GALNT13: variants seen among roughly 807,000 people sequenced by gnomAD.
GALNT13 encodes the protein UDP-GalNAc:polypeptide N-acetylgalactosaminyltransferase 13.
A neutral mutation model predicts 64.2 loss-of-function variants in GALNT13; 28 were observed. The ratio of observed to expected loss-of-function variants is 0.44; its 90% CI spans 0.32 to 0.60. The LOEUF is 0.60. Among genes scored for constraint, GALNT13 ranks in the 20% least tolerant of loss-of-function variants. The pLI is 0.05. For missense variants in GALNT13, 577 were observed against 669.8 expected, an observed-to-expected ratio of 0.86 and a Z score of 1.53; for synonymous variants, 214 against 224.6, an observed-to-expected ratio of 0.95 and a Z score of 0.42.
intron 3 of GALNT13, among the ~76,000 whole-genome samples, chr2:154,096,237 C>T (rs1416327597): frequency 6.6e-6 from 1 of 152,010 alleles, no homozygotes; most frequent in African/African-American, 2.4e-5. Context: ...CCATCACCAA[C>T]TCCATTACTG....
chr2:153,711,279 T>C, the GALNT13 span, among the ~76,000 whole-genome samples: 1 of 152,164 alleles, frequency 6.6e-6, no homozygotes, highest in African/African-American at 2.4e-5. Flanking sequence ...GGGCTTACAT[T>C]AGTGGAAACA....
chr2:154,106,136 T>A (rs946871072), intron 3 of GALNT13, among the ~76,000 whole-genome samples: 3 of 152,142 alleles, frequency 2.0e-5, no homozygotes, highest in Admixed American at 2.0e-4. Context: ...CAGTGGCTTG[T>A]CTTTTTATTC....
the GALNT13 span, among the ~76,000 whole-genome samples, chr2:153,200,205 A>G: frequency 6.6e-6 from 1 of 152,242 alleles, no homozygotes; most frequent in Non-Finnish European, 1.5e-5. Context: ...CAGGAAGGAC[A>G]TACTGAAGAC....
At chr2:153,483,083 C>A in the GALNT13 span, among the ~76,000 whole-genome samples, 2 of 152,050 alleles carry the variant, frequency 1.3e-5, no homozygotes, top group African/African-American at 4.8e-5. Flanking sequence ...GTAAAAAATG[C>A]TAAGGATGTG....
At chr2:153,607,048 T>C in the GALNT13 span, among the ~76,000 whole-genome samples, 1 of 152,050 alleles carries the variant, frequency 6.6e-6, no homozygotes, top group Non-Finnish European at 1.5e-5. Flanking sequence ...CCCCTCAGCC[T>C]GATCCCACAG....
intron 7 of GALNT13, among the ~76,000 whole-genome samples, chr2:154,252,735 A>G (rs889818925): frequency 1.1e-5 from 1 of 93,362 alleles, no homozygotes; most frequent in African/African-American, 3.4e-5. Flanking sequence ...AGATAGATAG[A>G]TAGATAGATA....
the GALNT13 span, among the ~76,000 whole-genome samples, chr2:153,274,459 A>C: frequency 6.6e-6 from 1 of 152,196 alleles, no homozygotes; most frequent in Admixed American, 6.5e-5. Context: ...ACTACAAAGG[A>C]GAAGGAGATA....
the GALNT13 span, among the ~76,000 whole-genome samples, chr2:153,249,565 C>A: frequency 3.3e-5 from 5 of 152,088 alleles, no homozygotes; most frequent in African/African-American, 1.2e-4. Flanking sequence ...GCCCATATAA[C>A]CAAGACAATG....
chr2:154,074,760 C>G (rs991631285), intron 3 of GALNT13, among the ~76,000 whole-genome samples: 1 of 151,912 alleles, frequency 6.6e-6, no homozygotes, highest in Non-Finnish European at 1.5e-5. Context: ...GGCTTTATCC[C>G]TAGGATGTAA....
intron 1 of GALNT13, among the ~76,000 whole-genome samples, chr2:153,889,975 G>T (rs1250708087): frequency 6.6e-6 from 1 of 151,624 alleles, no homozygotes; most frequent in East Asian, 2.0e-4. Context: ...CTGCACTTCT[G>T]CTTGCTTCCT....
chr2:153,393,111 A>G, the GALNT13 span, among the ~76,000 whole-genome samples: 3 of 152,178 alleles, frequency 2.0e-5, no homozygotes, highest in South Asian at 4.1e-4. Context: ...CAAATGAACA[A>G]AGACATCTGG....
chr2:154,033,585 A>G (rs548057937), intron 3 of GALNT13, among the ~76,000 whole-genome samples: 6 of 152,316 alleles, frequency 3.9e-5, no homozygotes, highest in South Asian at 2.1e-4. Context: ...ATTATCTGTT[A>G]GGAAATGGAA....
the GALNT13 span, among the ~76,000 whole-genome samples, chr2:153,155,840 C>T: frequency 1.6e-3 from 236 of 152,050 alleles, no homozygotes; most frequent in African/African-American, 5.4e-3. Context: ...AAAAATTTGA[C>T]ATTTTTCTAA....
chr2:154,153,411 A>T (rs1035070324), intron 4 of GALNT13, among the ~76,000 whole-genome samples: 2 of 152,186 alleles, frequency 1.3e-5, no homozygotes, highest in Non-Finnish European at 2.9e-5. Flanking sequence ...CAGTCTGCCC[A>T]TTCTCAGATC....
At chr2:153,380,209 A>G in the GALNT13 span, among the ~76,000 whole-genome samples, 1 of 152,164 alleles carries the variant, frequency 6.6e-6, no homozygotes, top group African/African-American at 2.4e-5. Context: ...CTGAACATGT[A>G]CAGACTATTT....
intron 3 of GALNT13, among the ~76,000 whole-genome samples, chr2:154,029,275 G>A (rs998884120): frequency 4.0e-5 from 6 of 150,588 alleles, no homozygotes; most frequent in South Asian, 2.1e-4. Flanking sequence ...GAATCACTCC[G>A]AGAAAGGCAG....
the GALNT13 span, among the ~76,000 whole-genome samples, chr2:153,651,333 A>G: frequency 2.0e-5 from 3 of 152,162 alleles, no homozygotes; most frequent in African/African-American, 4.8e-5. Flanking sequence ...ATGAGAACCA[A>G]TTTGGTGGAA....
At chr2:154,163,508 A>T (rs892871772) in intron 4 of GALNT13, among the ~76,000 whole-genome samples, 33 of 152,174 alleles carry the variant, frequency 2.2e-4, no homozygotes, top group African/African-American at 8.0e-4. Flanking sequence ...CACATTCTTT[A>T]GTACGGTGTT....
the GALNT13 span, among the ~76,000 whole-genome samples, chr2:153,219,380 C>T: frequency 6.6e-6 from 1 of 152,196 alleles, no homozygotes; most frequent in Non-Finnish European, 1.5e-5. Flanking sequence ...ATTTTTCTCA[C>T]TTCATGGCAG....
Sources: allele counts gnomAD v4.1 joint callset (sites outside exome capture counted in the v4.1 genomes callset), GRCh38; gene constraint gnomAD v4.1.1; transcripts MANE v1.5; gene names NCBI Gene and HGNC (gene_info 2026-07-23, HGNC 2026-07-21).